Variants in EPHB3 observed in about 807,000 individuals in gnomAD.
The protein encoded by EPHB3 is ephrin type-B receptor 3.
In EPHB3, 33 loss-of-function variants were observed where a neutral mutation model predicts 100.2. The observed-to-expected ratio is 0.33, with a 90% CI of 0.25 to 0.44. The LOEUF (loss-of-function observed/expected upper bound fraction) is 0.44. EPHB3 is among the 20% of genes least tolerant of loss of function. The pLI, the probability that EPHB3 is intolerant of heterozygous loss-of-function variation, is 1.00. For synonymous variants in EPHB3, 526 were observed against 554.7 expected, an observed-to-expected ratio of 0.95 and a Z score of 0.73; for missense variants, 1,045 against 1,378.3, an observed-to-expected ratio of 0.76 and a Z score of 3.83.
Position 184,572,678 on chromosome 3 carries a change from C to T in EPHB3, c.358C>T (p.Pro120Ser), listed in dbSNP as rs755471082. The part of the protein sequence containing the change: ...KFTVRDCNSI[P>S]NIPGSCKETF... ...CACTGTGCGTGACTGCAACAGCATC[C>T]CCAACATCCCCGGCTCCTGCAAGGA... is the stretch of plus-strand genomic sequence containing the variant. Residue 120 changes from proline (P) to serine (S), a missense_variant, in exon 3 of 16, where the codon CCC becomes TCC. This residue lies in a region of EPHB3 where 985 missense variants were observed against 1,331.1 expected (regional missense o/e 0.74). Coordinates refer to ENST00000330394, the MANE Select transcript of EPHB3 (RefSeq NM_004443.4). The surrounding 1 kb of genome is among the most constrained non-coding windows in gnomAD (Gnocchi z 6.6). 1.9e-6 allele frequency: 3 copies of T among 1,600,862 alleles called. No individual in the cohort carries two copies. The highest frequency in any genetic ancestry group is 2.6e-6 in the Non-Finnish European group (3 of 1,174,182).
chr3:184,573,612 C>G lies in EPHB3; in HGVS notation c.856+436C>G, dbSNP rs918267863. Among the ~76,000 whole-genome samples the G allele has an allele frequency of 1.3e-5, 2 of 152,274 alleles. No homozygotes were observed. The highest frequency in any genetic ancestry group is 4.1e-4 in the South Asian group (2 of 4,824). On this transcript the variant is annotated intron_variant, in intron 3 of 15. Coordinates refer to ENST00000330394, the MANE Select transcript of EPHB3 (RefSeq NM_004443.4). The surrounding 1 kb of genome is among the most constrained non-coding windows in gnomAD (Gnocchi z 4.5). ...ATGGCTTTTTACCCTGGGCTCTCTGCCCCTTGGGAGGCAGTATATAAATGG... is the reference window on the plus strand; with the variant it reads ...ATGGCTTTTTACCCTGGGCTCTCTGGCCCTTGGGAGGCAGTATATAAATGG...
Position 184,562,515 on chromosome 3 carries a change from A to T in EPHB3, c.118+162A>T, listed in dbSNP as rs1431790724. On this transcript the variant is annotated intron_variant, in intron 1 of 15. Transcript: ENST00000330394. This position sits in a 1 kb window ranked among gnomAD's most constrained non-coding sequence, Gnocchi z 4.8. Reference sequence around the variant, plus strand: ...GATGGGGTGGGGAGGCCGCCCCTGGAGCCGCCTCGGAGGCTGGAGCTGGCT... The same window carrying T: ...GATGGGGTGGGGAGGCCGCCCCTGGTGCCGCCTCGGAGGCTGGAGCTGGCT... 6.6e-6 allele frequency among the ~76,000 whole-genome samples: 1 copy of T among 151,508 alleles called. No individual in the cohort carries two copies. The highest frequency in any genetic ancestry group is 6.6e-5 in the Admixed American group (1 of 15,252).
rs1312666901 is a variant in EPHB3 at position 184,565,970 on chromosome 3, A to T, written c.118+3617A>T. On this transcript the variant is annotated intron_variant, in intron 1 of 15. Transcript: ENST00000330394. The surrounding 1 kb of genome is among the most constrained non-coding windows in gnomAD (Gnocchi z 4.8). ...GAATCACCAGGCCTGCATAGTTTGA[A>T]AATTGTAGCCCTGCCTGTTGTGCTG... is the stretch of plus-strand genomic sequence containing the variant. Among the ~76,000 whole-genome samples, 1 of 152,200 alleles carries T rather than the reference A, an allele frequency of 6.6e-6. No homozygotes were observed. The highest frequency in any genetic ancestry group is 1.5e-5 in the Non-Finnish European group (1 of 68,038).
At position 184,579,799 on chromosome 3, in the gene EPHB3, C is replaced by T; in HGVS notation, c.2037C>T (p.Phe679=). Residue 679 remains phenylalanine, a synonymous_variant, in exon 11 of 16, where the codon TTC becomes TTT. Transcript: ENST00000330394. This position sits in a 1 kb window ranked among gnomAD's most constrained non-coding sequence, Gnocchi z 5.2. ...ACACCGAGAGGCAGCGGCGGGACTT[C>T]CTAAGCGAGGCCTCCATCATGGGTC... ...VGYTERQRRD[F]LSEASIMGQF... is the part of the protein sequence containing the mutation. 1 of 1,613,664 alleles carries T rather than the reference C, an allele frequency of 6.2e-7. No individual in the cohort carries two copies.
At position 184,571,038 on chromosome 3, in the gene EPHB3, C is replaced by T. The variant is rs1338658111; in HGVS notation, c.119-280C>T. Among the ~76,000 whole-genome samples the T allele has an allele frequency of 1.3e-5, 2 of 151,846 alleles. No homozygotes were observed. Among genetic ancestry groups the T allele is most frequent in the African/African-American group, 2.4e-5 (1 of 41,304 alleles). On this transcript the variant is annotated intron_variant, in intron 1 of 15. Transcript: ENST00000330394. This position sits in a 1 kb window ranked among gnomAD's most constrained non-coding sequence, Gnocchi z 5.0. ...TAGTGCAATCTCGGCTCACTGCAAC[C>T]TCCGTCTCCCAGGTTCAAGCGATTC...
In EPHB3 at chr3:184,573,186, G is replaced by T. The variant is rs1714584493; in HGVS notation, c.856+10G>T. The T allele has an allele frequency of 6.2e-7, 1 of 1,610,078 alleles. No homozygotes were observed. The highest frequency in any genetic ancestry group is 8.5e-7 in the Non-Finnish European group (1 of 1,179,970). ...GAGTCCCAGTGCCGCCGTGAGTGGG[G>T]ACTGTCCTGGGGAAAGGGTTGTCGG... is the stretch of plus-strand genomic sequence containing the variant. On this transcript the variant is annotated intron_variant, in intron 3 of 15. Transcript: ENST00000330394. This position sits in a 1 kb window ranked among gnomAD's most constrained non-coding sequence, Gnocchi z 4.5.
chr3:184,579,613 G>A lies in EPHB3; in HGVS notation c.1924+14G>A. 1 of 1,613,784 alleles carries A rather than the reference G, an allele frequency of 6.2e-7. No individual in the cohort carries two copies. Among genetic ancestry groups the A allele is most frequent in the African/African-American group, 1.3e-5 (1 of 74,948 alleles). On this transcript the variant is annotated intron_variant, in intron 10 of 15. Transcript: ENST00000330394. This position sits in a 1 kb window ranked among gnomAD's most constrained non-coding sequence, Gnocchi z 5.2. Reference sequence around the variant, plus strand: ...TGATCGGAGCTGGTGAGTCTCCCGGGGCACAGTAGAGATGAGAAGCTGAGG... The same window carrying A: ...TGATCGGAGCTGGTGAGTCTCCCGGAGCACAGTAGAGATGAGAAGCTGAGG...
Position 184,576,032 on chromosome 3 carries a change from G to T in EPHB3, c.1012+47G>T. 3.9e-6 allele frequency: 6 copies of T among 1,550,814 alleles called. No homozygotes were observed. The South Asian group carries it at 6.0e-5, about 15-fold the overall frequency. On this transcript the variant is annotated intron_variant, in intron 4 of 15. Coordinates refer to ENST00000330394, the MANE Select transcript of EPHB3 (RefSeq NM_004443.4). ...CTTTCCCTCTGCAGGCCTTCCCTCTGGGGGGCCAGCCTGGGAAGCCTAAGC... is the reference window on the plus strand; with the variant it reads ...CTTTCCCTCTGCAGGCCTTCCCTCTTGGGGGCCAGCCTGGGAAGCCTAAGC...
In EPHB3 at chr3:184,563,356, G is replaced by C. The variant is rs1009626994; in HGVS notation, c.118+1003G>C. ...GGAGGGAGGGACGCCACAGAAATTC[G>C]AGGGCAATTGGAATAAAGGCAGTAC... On this transcript the variant is annotated intron_variant, in intron 1 of 15. Transcript: ENST00000330394. The surrounding 1 kb of genome is among the most constrained non-coding windows in gnomAD (Gnocchi z 4.1). Among the ~76,000 whole-genome samples, 1 of 152,184 alleles carries C rather than the reference G, an allele frequency of 6.6e-6. No homozygotes were observed. Among genetic ancestry groups the C allele is most frequent in the Non-Finnish European group, 1.5e-5 (1 of 68,032 alleles).
In EPHB3 at chr3:184,572,720, T is replaced by C; in HGVS notation, c.400T>C (p.Tyr134His). 6.2e-7 allele frequency: 1 copy of C among 1,612,990 alleles called. No homozygotes were observed. The highest frequency in any genetic ancestry group is 1.7e-4 in the Middle Eastern group (1 of 6,052). The change falls in exon 3 of 16, where the codon TAC becomes CAC. Residue 134 changes from tyrosine to histidine, a missense_variant. This residue lies in a region of EPHB3 where 985 missense variants were observed against 1,331.1 expected (regional missense o/e 0.74). Transcript: ENST00000330394. This position sits in a 1 kb window ranked among gnomAD's most constrained non-coding sequence, Gnocchi z 6.6. ...GSCKETFNLF[Y>H]YEADSDVASA... is the part of the protein sequence containing the mutation. Reference sequence around the variant, plus strand: ...CTGCAAGGAGACCTTCAACCTCTTCTACTACGAGGCTGACAGCGATGTGGC... The same window carrying C: ...CTGCAAGGAGACCTTCAACCTCTTCCACTACGAGGCTGACAGCGATGTGGC...
rs377470923 is a variant in EPHB3, at chr3:184,580,809, C to T, written c.2469C>T (p.Ser823=). 3.1e-6 allele frequency: 5 copies of T among 1,614,076 alleles called. No homozygotes were observed. The African/African-American group carries it at 6.7e-5, about 22-fold the overall frequency. The change falls in exon 13 of 16, where the codon AGC becomes AGT. Residue 823 remains serine, a synonymous_variant. Coordinates refer to ENST00000330394, the MANE Select transcript of EPHB3 (RefSeq NM_004443.4). ...RKFTSASDVW[S]YGIVMWEVMS... is the part of the protein sequence containing the mutation. ...TCACTTCTGCTAGTGATGTCTGGAG[C>T]TACGGAATTGTCATGTGGGAGGTCA...
At position 184,579,793 on chromosome 3, in the gene EPHB3, G is replaced by C. The variant is rs755489431; in HGVS notation, c.2031G>C (p.Arg677=). 295 of 1,613,692 alleles carry C rather than the reference G, an allele frequency of 1.8e-4. No homozygotes were observed. Among genetic ancestry groups the C allele is most frequent in the Admixed American group, 8.8e-4 (53 of 59,970 alleles). ...LKVGYTERQR[R]DFLSEASIMG... Reference sequence around the variant, plus strand: ...TGGGCTACACCGAGAGGCAGCGGCGGGACTTCCTAAGCGAGGCCTCCATCA... The same window carrying C: ...TGGGCTACACCGAGAGGCAGCGGCGCGACTTCCTAAGCGAGGCCTCCATCA... The change falls in exon 11 of 16, where the codon CGG becomes CGC. Residue 677 remains arginine, a synonymous_variant. Coordinates refer to ENST00000330394, the MANE Select transcript of EPHB3 (RefSeq NM_004443.4). This position sits in a 1 kb window ranked among gnomAD's most constrained non-coding sequence, Gnocchi z 5.2.
rs1378110297 is a variant in EPHB3 at position 184,571,117 on chromosome 3, G to A, written c.119-201G>A. 1.3e-5 allele frequency among the ~76,000 whole-genome samples: 2 copies of A among 151,986 alleles called. No homozygotes were observed. The highest frequency in any genetic ancestry group is 2.9e-5 in the Non-Finnish European group (2 of 67,984). Reference sequence around the variant, plus strand: ...ATTACAGGCGTGCGCCACCAGCCTGGCTAATTTTGTATTTTTAGTAGAGAT... The same window carrying A: ...ATTACAGGCGTGCGCCACCAGCCTGACTAATTTTGTATTTTTAGTAGAGAT... On this transcript the variant is annotated intron_variant, in intron 1 of 15. Coordinates refer to ENST00000330394, the MANE Select transcript of EPHB3 (RefSeq NM_004443.4). The surrounding 1 kb of genome is among the most constrained non-coding windows in gnomAD (Gnocchi z 5.0).
rs199787342 is a variant in EPHB3 at position 184,563,628 on chromosome 3, G to A, written c.118+1275G>A. ...GCTGTGCTGACAGATCGAGTCCCAC[G>A]GGTGGACACATGCAAATTCAGACTG... On this transcript the variant is annotated intron_variant, in intron 1 of 15. Transcript: ENST00000330394. This position sits in a 1 kb window ranked among gnomAD's most constrained non-coding sequence, Gnocchi z 4.1. Among the ~76,000 whole-genome samples, 1 of 152,172 alleles carries A rather than the reference G, an allele frequency of 6.6e-6. No individual in the cohort carries two copies. The highest frequency in any genetic ancestry group is 1.5e-5 in the Non-Finnish European group (1 of 68,034).
chr3:184,564,707 C>T (rs1363114574), intron 1 of EPHB3, among the ~76,000 whole-genome samples: 1 of 152,110 alleles, frequency 6.6e-6, no homozygotes, highest in Non-Finnish European at 1.5e-5. Context: ...CATCTCCCTG[C>T]AGCTCCAGAG....
chr3:184,580,266 C>T (rs1714786476), intron 11 of EPHB3, 136 bp from the exon 12 acceptor site: 1 of 1,144,046 alleles, frequency 8.7e-7, no homozygotes, highest in Non-Finnish European at 1.3e-6. Flanking sequence ...GGGCAGCTCA[C>T]TTACCCTCAG....
At position 184,582,051 on chromosome 3, in the gene EPHB3, A is replaced by T. The variant is rs555537783; in HGVS notation, c.*429A>T. ...CCTCCCTCAGGAACTGGAGGAGGGGACTCCAGGAATGGGGAAATGTGACAC... is the reference window on the plus strand; with the variant it reads ...CCTCCCTCAGGAACTGGAGGAGGGGTCTCCAGGAATGGGGAAATGTGACAC... On this transcript the variant is annotated 3_prime_UTR_variant, in exon 16 of 16. Transcript: ENST00000330394. 4 of 160,956 alleles carry T rather than the reference A, an allele frequency of 2.5e-5. No individual in the cohort carries two copies. In the South Asian group the frequency reaches 7.5e-4, roughly 30 times the overall value. The allele number at this position is 160,956 out of a possible 1,614,324, so 10.0% of individuals were successfully genotyped here.
Position 184,578,484 on chromosome 3 carries a change from G to A in EPHB3, c.1801+18G>A, listed in dbSNP as rs755696277. ...GCAGTACAGTGAGTTTGTCCCCGCC[G>A]CCCTCCCCAAGCTCTCCCAGCCCCC... On this transcript the variant is annotated intron_variant, in intron 9 of 15. Transcript: ENST00000330394. This position sits in a 1 kb window ranked among gnomAD's most constrained non-coding sequence, Gnocchi z 4.7. 3.0e-5 allele frequency: 49 copies of A among 1,612,962 alleles called. No individual in the cohort carries two copies. Among genetic ancestry groups the A allele is most frequent in the South Asian group, 1.1e-4 (10 of 90,868 alleles).
At position 184,581,339 on chromosome 3, in the gene EPHB3, G is replaced by C. The variant is rs202198661; in HGVS notation, c.2819G>C (p.Gly940Ala). The C allele has an allele frequency of 1.9e-6, 3 of 1,610,288 alleles. No homozygotes were observed. The highest frequency in any genetic ancestry group is 2.7e-5 in the African/African-American group (2 of 74,884). Residue 940 changes from glycine (G) to alanine (A), a missense_variant, in exon 15 of 16, where the codon GGG becomes GCG. Gly to Ala is a moderately conservative substitution (Grantham distance 60). This residue lies in a region of EPHB3 where 985 missense variants were observed against 1,331.1 expected (regional missense o/e 0.74). Coordinates refer to ENST00000330394, the MANE Select transcript of EPHB3 (RefSeq NM_004443.4). ...VGDWLDAIKM[G>A]RYKESFVSAG... ...GATTGGCTGGATGCCATCAAGATGGGGCGGTACAAGGAGAGCTTCGTCAGT... is the reference window on the plus strand; with the variant it reads ...GATTGGCTGGATGCCATCAAGATGGCGCGGTACAAGGAGAGCTTCGTCAGT...
Sources: allele counts gnomAD v4.1 joint callset (sites outside exome capture counted in the v4.1 genomes callset), GRCh38; gene constraint gnomAD v4.1.1; regional missense constraint gnomAD v4.1.1; non-coding constraint Gnocchi (gnomAD v3.1); transcripts MANE v1.5; gene names NCBI Gene and HGNC (gene_info 2026-07-23, HGNC 2026-07-21).